C6orf132: variants seen among roughly 807,000 people sequenced by gnomAD.
C6orf132 encodes uncharacterized protein C6orf132.
Under a neutral mutation model 65.3 loss-of-function variants are expected in C6orf132, and 43 were observed. The observed-to-expected ratio is 0.66, with a 90% CI of 0.52 to 0.85. The LOEUF is 0.85. C6orf132 is among the 40% of genes least tolerant of loss of function. C6orf132 has a pLI of 0.00. For synonymous variants in C6orf132, 631 were observed against 654.1 expected, an observed-to-expected ratio of 0.96 and a Z score of 0.54; for missense variants, 1,488 against 1,548.8, an observed-to-expected ratio of 0.96 and a Z score of 0.66.
chr6:42,121,477 C>T (rs943498125), intron 2 of C6orf132, among the ~76,000 whole-genome samples: 5 of 152,220 alleles, frequency 3.3e-5, no homozygotes, highest in Non-Finnish European at 7.3e-5. Flanking sequence ...ACCTGTTGCA[C>T]CCCTGAGAGT....
chr6:42,107,336 T>TGGGGGTGGAGGTGGGGCCATGCTGGGC lies in C6orf132; in HGVS notation c.549_575dup (p.Pro184_Pro192dup), dbSNP rs1562033939. 1.6e-6 allele frequency: 1 copy of TGGGGGTGGAGGTGGGGCCATGCTGGGC among 612,132 alleles called. No individual in the cohort carries two copies. The allele number at this position is 612,132 out of a possible 1,614,324, so 37.9% of individuals were successfully genotyped here. A position where few individuals can be genotyped will look rare whatever the true frequency, so the allele number is the denominator to read the frequency against. The stretch of plus-strand genomic sequence containing the variant: ...GTGGTGGGGATAGGGCCTCCAATAC[T>TGGGGGTGGAGGTGGGGCCATGCTGGGC]GGGGGTGGAGGTGGGGCCATGCTGG... On this transcript the variant is annotated inframe_insertion, in exon 4 of 5. Transcript: ENST00000341865.
chr6:42,122,897 T>C (rs1447551855), intron 2 of C6orf132, among the ~76,000 whole-genome samples: 1 of 152,098 alleles, frequency 6.6e-6, no homozygotes, highest in Non-Finnish European at 1.5e-5. Flanking sequence ...CCCAGGCAGC[T>C]CTCACCGCCC....
In C6orf132 at chr6:42,105,080, C is replaced by T; in HGVS notation, c.2832G>A (p.Val944=). The change falls in exon 4 of 5, where the codon GTG becomes GTA. Residue 944 remains valine, a synonymous_variant. Transcript: ENST00000341865. ...TGGAGGGAGCTACTCTTTCCCAGGCCACAGGGGCCTGGGGCTCTGGCTTTG... is the reference window on the plus strand; with the variant it reads ...TGGAGGGAGCTACTCTTTCCCAGGCTACAGGGGCCTGGGGCTCTGGCTTTG... ...NWTKPEPQAP[V]AWERVAPSNL... is the part of the protein sequence containing the mutation. The T allele has an allele frequency of 1.3e-6, 2 of 1,536,922 alleles. No homozygotes were observed. The highest frequency in any genetic ancestry group is 8.7e-7 in the Non-Finnish European group (1 of 1,146,848).
chr6:42,120,848 C>T (rs1191722037), intron 2 of C6orf132, among the ~76,000 whole-genome samples: 1 of 152,050 alleles, frequency 6.6e-6, no homozygotes, highest in East Asian at 1.9e-4. Flanking sequence ...ATCTCAAACT[C>T]CTGACCTTGT....
rs1255992678 is a variant in C6orf132, at chr6:42,104,823, G to A, written c.3089C>T (p.Ala1030Val). The change falls in exon 4 of 5, where the codon GCG (alanine) becomes GTG (valine). Residue 1030 changes from alanine to valine, a missense_variant. Transcript: ENST00000341865. The surrounding 1 kb of genome is among the most constrained non-coding windows in gnomAD (Gnocchi z 4.1). ...GCGCGAGAAGCCGAGAGCCGGGGGC[G>A]CCCCGGGGCCAGCGTTCGGGAGCTG... is the stretch of plus-strand genomic sequence containing the variant. ...LRQLPNAGPG[A>V]PPALGFSRFP... 3.4e-6 allele frequency: 5 copies of A among 1,462,656 alleles called. No individual in the cohort carries two copies. Among genetic ancestry groups the A allele is most frequent in the Non-Finnish European group, 4.5e-6 (5 of 1,114,340 alleles). 90.6% of individuals were successfully genotyped at this position (1,462,656 alleles called of 1,614,324 possible).
At chr6:42,140,340 G>T (rs1477604270) in intron 1 of C6orf132, among the ~76,000 whole-genome samples, 1 of 152,232 alleles carries the variant, frequency 6.6e-6, no homozygotes, top group African/African-American at 2.4e-5. Context: ...ATGCAGAAGT[G>T]GCTGAGAGGC....
chr6:42,137,827 C>T (rs989997614), intron 1 of C6orf132, among the ~76,000 whole-genome samples: 12 of 4,012 alleles, frequency 3.0e-3, no homozygotes, highest in Non-Finnish European at 5.8e-3. Context: ...GGGGGCGGGG[C>T]GGGGCGGGGC....
intron 1 of C6orf132, among the ~76,000 whole-genome samples, chr6:42,138,928 G>A (rs557442793): frequency 6.6e-6 from 1 of 151,776 alleles, no homozygotes; most frequent in African/African-American, 2.4e-5. Context: ...GACTTTGTTA[G>A]GATTGCAAAT....
At chr6:42,127,666 C>T (rs546280837) in intron 2 of C6orf132, among the ~76,000 whole-genome samples, 2 of 152,284 alleles carry the variant, frequency 1.3e-5, no homozygotes, top group South Asian at 4.1e-4. Flanking sequence ...ACCCCAGTGA[C>T]AGCATTGTGC....
At chr6:42,132,782 G>A (rs939237838) in intron 1 of C6orf132, among the ~76,000 whole-genome samples, 3 of 151,284 alleles carry the variant, frequency 2.0e-5, no homozygotes, top group Non-Finnish European at 2.9e-5. Flanking sequence ...GCTTAAACCC[G>A]GGAAGCAGAG....
rs186436308 is a variant in C6orf132, at chr6:42,112,774, C to T, written c.253-2483G>A. On this transcript the variant is annotated intron_variant, in intron 2 of 4. Coordinates refer to ENST00000341865, the MANE Select transcript of C6orf132 (RefSeq NM_001164446.3). ...CCCAAAGCTGGATGCATAGTGAGCC[C>T]AGTTGTTAGTGATGGGCTGATGGTA... Among the ~76,000 whole-genome samples, 36 of 152,272 alleles carry T rather than the reference C, an allele frequency of 2.4e-4. No homozygotes were observed. The East Asian group carries it at 5.6e-3, about 24-fold the overall frequency.
intron 1 of C6orf132, among the ~76,000 whole-genome samples, chr6:42,139,772 A>C (rs1161990599): frequency 6.6e-6 from 1 of 152,076 alleles, no homozygotes; most frequent in Non-Finnish European, 1.5e-5. Flanking sequence ...TTCTTCTTCC[A>C]ATGTGACCCA....
intron 2 of C6orf132, chr6:42,126,981 G>A (rs934319781): frequency 3.9e-6 from 1 of 257,140 alleles, no homozygotes; most frequent in Non-Finnish European, 7.5e-6. Flanking sequence ...TTAAGACAGG[G>A]TCTCACTCTG....
intron 1 of C6orf132, among the ~76,000 whole-genome samples, chr6:42,140,454 A>G (rs1767014986): frequency 6.6e-6 from 1 of 152,216 alleles, no homozygotes. Context: ...GTAAACTTGG[A>G]TCGCCTTCCT....
rs67542628 is a variant in C6orf132, at chr6:42,115,934, CT to C, written c.253-5644del. On this transcript the variant is annotated intron_variant, in intron 2 of 4. Coordinates refer to ENST00000341865, the MANE Select transcript of C6orf132 (RefSeq NM_001164446.3). Reference sequence around the variant, plus strand: ...TTTTTTCTTTTTTCTTTTTCTTTTTCTTTTTTTTTTTTTTTGAGATGGTCTC... The same window carrying C: ...TTTTTTCTTTTTTCTTTTTCTTTTTCTTTTTTTTTTTTTTGAGATGGTCTC... Among the ~76,000 whole-genome samples the C allele has an allele frequency of 5.3e-3, 559 of 106,342 alleles. 2 individuals carry two copies. Among genetic ancestry groups the C allele is most frequent in the African/African-American group, 0.017 (475 of 28,454 alleles). The allele number at this position is 106,342 out of a possible 152,430, so 69.8% of individuals were successfully genotyped here.
chr6:42,106,278 C>A lies in C6orf132; in HGVS notation c.1634G>T (p.Ser545Ile). 2 of 1,536,886 alleles carry A rather than the reference C, an allele frequency of 1.3e-6. No homozygotes were observed. The highest frequency in any genetic ancestry group is 1.7e-6 in the Non-Finnish European group (2 of 1,146,890). ...GTAGTCCACAGAGGGCAGGGTCAGG[C>A]TGGGGGCAGCCTCTGTCTCTGTCAG... Reference protein sequence around the residue: ...SSLTETEAAPSLTLPSVDYIP... With the variant: ...SSLTETEAAPILTLPSVDYIP... Residue 545 changes from serine to isoleucine, a missense_variant, in exon 4 of 5, where the codon AGC becomes ATC. Coordinates refer to ENST00000341865, the MANE Select transcript of C6orf132 (RefSeq NM_001164446.3).
chr6:42,138,044 C>T (rs961908040), intron 1 of C6orf132, among the ~76,000 whole-genome samples: 1 of 152,136 alleles, frequency 6.6e-6, no homozygotes, highest in Non-Finnish European at 1.5e-5. Flanking sequence ...GGCAACGGAT[C>T]GAGACTCCGT....
At chr6:42,135,145 C>A (rs893353511) in intron 1 of C6orf132, among the ~76,000 whole-genome samples, 8 of 152,316 alleles carry the variant, frequency 5.3e-5, no homozygotes, top group African/African-American at 1.7e-4. Context: ...TGACACCTGT[C>A]CCCACTGGGG....
intron 1 of C6orf132, among the ~76,000 whole-genome samples, chr6:42,135,987 GT>G (rs1423813311): frequency 6.6e-6 from 1 of 152,104 alleles, no homozygotes; most frequent in Non-Finnish European, 1.5e-5. Flanking sequence ...TCCATCTCTT[GT>G]TTTTCCTGAA....
Sources: allele counts gnomAD v4.1 joint callset (sites outside exome capture counted in the v4.1 genomes callset), GRCh38; gene constraint gnomAD v4.1.1; non-coding constraint Gnocchi (gnomAD v3.1); transcripts MANE v1.5; gene names NCBI Gene and HGNC (gene_info 2026-07-23, HGNC 2026-07-21).